IL1RAPL2: variants seen among roughly 807,000 people sequenced by gnomAD.
IL1RAPL2 encodes X-linked interleukin-1 receptor accessory protein-like 2.
Under a neutral mutation model 44.1 loss-of-function variants are expected in IL1RAPL2, and 3 were observed. The ratio of observed to expected loss-of-function variants is 0.07; its 90% confidence interval spans 0.03 to 0.18. IL1RAPL2 has a LOEUF of 0.18. Among genes scored for constraint, IL1RAPL2 ranks in the 10% least tolerant of loss-of-function variants. The probability of loss-of-function intolerance (pLI) is 1.00; values close to 1 mark genes in which losing one functional copy is unlikely to be tolerated. For missense variants in IL1RAPL2, 391 were observed against 496.4 expected, an observed-to-expected ratio of 0.79 and a Z score of 2.02; for synonymous variants, 181 against 178.8, an observed-to-expected ratio of 1.01 and a Z score of -0.10.
chrX:105,538,886 C>T (rs2036699166), intron 6 of IL1RAPL2, among the ~76,000 whole-genome samples: 1 of 111,431 alleles, frequency 9.0e-6, no homozygotes, highest in Non-Finnish European at 1.9e-5. Flanking sequence ...AGCATTACTA[C>T]ACACCAATAA....
Position 105,079,950 on chromosome X carries a change from A to G in IL1RAPL2, c.83-115525A>G, listed in dbSNP as rs1010441335. 1.6e-4 allele frequency among the ~76,000 whole-genome samples: 18 copies of G among 112,361 alleles called. 1 individual carries two copies. The Admixed American group carries it at 1.7e-3, about 11-fold the overall frequency. ...TTGGATTTACATTTCTCTAATGACC[A>G]GTGATGATGAGCTTTTATTCAGGTT... On this transcript the variant is annotated intron_variant, in intron 2 of 10. Transcript: ENST00000372582.
rs1156657876 is a variant in IL1RAPL2, at chrX:105,032,001, A to G, written c.83-163474A>G. Among the ~76,000 whole-genome samples the G allele has an allele frequency of 1.7e-4, 19 of 111,158 alleles. No individual in the cohort carries two copies. The South Asian group carries it at 1.9e-3, about 11-fold the overall frequency. ...TTTATCCATTTCTTCGAGATTTTCT[A>G]GTTTATTTGCGTAGAGGTGTTTGTA... On this transcript the variant is annotated intron_variant, in intron 2 of 10. Coordinates refer to ENST00000372582, the MANE Select transcript of IL1RAPL2 (RefSeq NM_017416.2).
intron 6 of IL1RAPL2, among the ~76,000 whole-genome samples, chrX:105,619,981 G>A (rs2037408099): frequency 9.0e-6 from 1 of 110,724 alleles, no homozygotes; most frequent in Non-Finnish European, 1.9e-5. Flanking sequence ...ATGAGGACAT[G>A]GGACTAGATG....
At chrX:104,932,003 T>TTC (rs1924917571) in intron 2 of IL1RAPL2, among the ~76,000 whole-genome samples, 2 of 102,656 alleles carry the variant, frequency 1.9e-5, no homozygotes, top group Non-Finnish European at 4.0e-5. Flanking sequence ...TATATTTTTT[T>TTC]TTTTTTGAGA....
At position 104,870,478 on chromosome X, in the gene IL1RAPL2, A is replaced by G. The variant is rs192381415; in HGVS notation, c.82+211483A>G. ...GATTGCTCCAAAGTAGATACTAGGA[A>G]TTTATGGATGAGGCAACCAAGAATC... On this transcript the variant is annotated intron_variant, in intron 2 of 10. Coordinates refer to ENST00000372582, the MANE Select transcript of IL1RAPL2 (RefSeq NM_017416.2). 1.8e-4 allele frequency among the ~76,000 whole-genome samples: 20 copies of G among 112,689 alleles called. No individual in the cohort carries two copies. In the South Asian group the frequency reaches 4.7e-3, roughly 27 times the overall value.
At chrX:104,931,984 A>ATG (rs1471328272) in intron 2 of IL1RAPL2, among the ~76,000 whole-genome samples, 1 of 36,273 alleles carries the variant, frequency 2.8e-5, no homozygotes, top group Non-Finnish European at 5.1e-5. Context: ...GTTTGTATAT[A>ATG]TATATATATA....
At chrX:105,434,235 A>T (rs1279900738) in intron 5 of IL1RAPL2, among the ~76,000 whole-genome samples, 2 of 112,194 alleles carry the variant, frequency 1.8e-5, no homozygotes, top group Non-Finnish European at 3.8e-5. Context: ...CCAAGTGCTG[A>T]CAAGGATGTG....
At chrX:104,897,856 C>A (rs1923698940) in intron 2 of IL1RAPL2, among the ~76,000 whole-genome samples, 1 of 111,686 alleles carries the variant, frequency 9.0e-6, no homozygotes, top group Admixed American at 9.6e-5. Flanking sequence ...GAGTTGCTGG[C>A]TACTTAAAGG....
chrX:105,081,247 G>C (rs2032402206), intron 2 of IL1RAPL2, among the ~76,000 whole-genome samples: 1 of 110,875 alleles, frequency 9.0e-6, no homozygotes, highest in Non-Finnish European at 1.9e-5. Flanking sequence ...AGAACTTCCA[G>C]TACTATGTTG....
chrX:105,478,146 T>G (rs1281648414), intron 5 of IL1RAPL2, among the ~76,000 whole-genome samples: 1 of 110,001 alleles, frequency 9.1e-6, no homozygotes, highest in Admixed American at 9.9e-5. Flanking sequence ...TATTTCTTTT[T>G]CTAACACAAC....
chrX:105,611,528 A>G (rs994337575), intron 6 of IL1RAPL2, among the ~76,000 whole-genome samples: 1 of 111,790 alleles, frequency 8.9e-6, no homozygotes, highest in African/African-American at 3.2e-5. Flanking sequence ...ATATATACAA[A>G]TATTTGCAAT....
chrX:105,036,857 A>G (rs1740592185), intron 2 of IL1RAPL2, among the ~76,000 whole-genome samples: 1 of 112,079 alleles, frequency 8.9e-6, no homozygotes, highest in African/African-American at 3.2e-5. Flanking sequence ...ATACAAAGGG[A>G]TAAAAACCAA....
Position 105,176,247 on chromosome X carries a change from A to G in IL1RAPL2, c.83-19228A>G, listed in dbSNP as rs1205618237. Among the ~76,000 whole-genome samples the G allele has an allele frequency of 3.6e-5, 4 of 111,393 alleles. No homozygotes were observed. The East Asian group carries it at 1.1e-3, about 31-fold the overall frequency. On this transcript the variant is annotated intron_variant, in intron 2 of 10. Transcript: ENST00000372582. The stretch of plus-strand genomic sequence containing the variant: ...AACATCAACCTAAATGCATATAGTA[A>G]CATGGAATATCCTGTAACTACACCC...
intron 6 of IL1RAPL2, among the ~76,000 whole-genome samples, chrX:105,518,901 C>G (rs2036535386): frequency 9.0e-6 from 1 of 111,345 alleles, no homozygotes; most frequent in Admixed American, 9.6e-5. Context: ...TTATAACTTG[C>G]CTTACCTATG....
Position 105,122,993 on chromosome X carries a change from C to A in IL1RAPL2, c.83-72482C>A, listed in dbSNP as rs772191223. Among the ~76,000 whole-genome samples, 85 of 111,162 alleles carry A rather than the reference C, an allele frequency of 7.6e-4. 1 individual carries two copies. Among genetic ancestry groups the A allele is most frequent in the South Asian group, 1.9e-3 (5 of 2,649 alleles). Reference sequence around the variant, plus strand: ...TTTCCTGAAATTGTAAACTTTATACCCAAGAGCATCCTGATGAGCTAAAAT... The same window carrying A: ...TTTCCTGAAATTGTAAACTTTATACACAAGAGCATCCTGATGAGCTAAAAT... On this transcript the variant is annotated intron_variant, in intron 2 of 10. Coordinates refer to ENST00000372582, the MANE Select transcript of IL1RAPL2 (RefSeq NM_017416.2).
chrX:105,234,199 C>T (rs1220568734), intron 4 of IL1RAPL2, among the ~76,000 whole-genome samples, 195 bp downstream of exon 4: 2 of 112,006 alleles, frequency 1.8e-5, no homozygotes, highest in South Asian at 3.7e-4. Context: ...AGAAGCAATA[C>T]GCCTTTCTCC....
intron 2 of IL1RAPL2, among the ~76,000 whole-genome samples, chrX:105,067,550 C>A (rs1201984837): frequency 2.7e-5 from 3 of 111,345 alleles, no homozygotes; most frequent in African/African-American, 9.8e-5. Flanking sequence ...TCATACCAAC[C>A]CTATGAGGTA....
At chrX:105,575,249 G>A (rs1016953430) in intron 6 of IL1RAPL2, among the ~76,000 whole-genome samples, 1 of 110,320 alleles carries the variant, frequency 9.1e-6, no homozygotes, top group Admixed American at 9.7e-5. Flanking sequence ...TGTCATGGGG[G>A]CTTGGTGTAC....
chrX:105,154,211 A>G (rs1288945854), intron 2 of IL1RAPL2, among the ~76,000 whole-genome samples: 1 of 111,185 alleles, frequency 9.0e-6, no homozygotes, highest in East Asian at 2.8e-4. Context: ...AGGAGGCTAT[A>G]ATGAGGTATG....
Sources: gnomAD v4.1 joint callset for allele counts (sites outside exome capture counted in the v4.1 genomes callset) on GRCh38, gnomAD v4.1.1 for gene constraint, MANE v1.5 for transcripts, NCBI Gene and HGNC (gene_info 2026-07-23, HGNC 2026-07-21) for gene names.